SCD5: variants seen among roughly 807,000 people sequenced by gnomAD.
SCD5 encodes stearoyl-CoA desaturase 5, also known as acyl-CoA-desaturase 4.
A neutral mutation model predicts 30.4 loss-of-function variants in SCD5; 20 were observed. The ratio of observed to expected loss-of-function variants is 0.66; its 90% confidence interval spans 0.46 to 0.96. The LOEUF is 0.96. Among genes scored for constraint, SCD5 ranks in the 40% least tolerant of loss-of-function variants. The pLI is 0.00. For synonymous variants in SCD5, 173 were observed against 176.4 expected (o/e 0.98, Z 0.16); for missense variants, 381 against 443.3 (o/e 0.86, Z 1.26).
rs567021934 is a variant in SCD5 at position 82,727,858 on chromosome 4, C to A, written c.233-22445G>T. Among the ~76,000 whole-genome samples, 39 of 152,280 alleles carry A rather than the reference C, an allele frequency of 2.6e-4. 1 individual carries two copies. Among genetic ancestry groups the A allele is most frequent in the African/African-American group, 8.7e-4 (36 of 41,566 alleles). Reference sequence around the variant, plus strand: ...GAGTAGCTGGGATTACAGGTACGCACCATCACACCCAGCTAATTTTTGTAT... The same window carrying A: ...GAGTAGCTGGGATTACAGGTACGCAACATCACACCCAGCTAATTTTTGTAT... On this transcript the variant is annotated intron_variant, in intron 1 of 4. Coordinates refer to ENST00000319540, the MANE Select transcript of SCD5 (RefSeq NM_001037582.3).
At chr4:82,777,400 G>C (rs372314601) in intron 1 of SCD5, among the ~76,000 whole-genome samples, 1 of 152,210 alleles carries the variant, frequency 6.6e-6, no homozygotes, top group Admixed American at 6.5e-5. Context: ...TGATAAGAAA[G>C]TGAGTCCTCA....
intron 1 of SCD5, among the ~76,000 whole-genome samples, chr4:82,772,252 G>A (rs1328065176): frequency 6.6e-6 from 1 of 152,206 alleles, no homozygotes; most frequent in Non-Finnish European, 1.5e-5. Flanking sequence ...AAGATGCTGA[G>A]GCCATTTTTG....
chr4:82,691,480 C>T (rs937047198), intron 2 of SCD5, among the ~76,000 whole-genome samples: 1 of 152,104 alleles, frequency 6.6e-6, no homozygotes, highest in Admixed American at 6.5e-5. Context: ...GGTGCTAGGA[C>T]AAGCCTGGTA....
rs143154100 is a variant in SCD5 at position 82,762,462 on chromosome 4, C to G, written c.232+35844G>C. On this transcript the variant is annotated intron_variant, in intron 1 of 4. Transcript: ENST00000319540. ...TTCACCATGTTGGCCAGGTTGGCCT[C>G]GAACTCCCAACCTTAGGTGATCCAC... is the stretch of plus-strand genomic sequence containing the variant. Among the ~76,000 whole-genome samples the G allele has an allele frequency of 9.9e-5, 15 of 152,230 alleles. No homozygotes were observed. In the East Asian group the frequency reaches 2.9e-3, roughly 30 times the overall value.
At chr4:82,651,470 G>A (rs1578005696) in intron 3 of SCD5, among the ~76,000 whole-genome samples, 1 of 152,218 alleles carries the variant, frequency 6.6e-6, no homozygotes, top group Admixed American at 6.5e-5. Context: ...GGGGGAAAGG[G>A]TGGGGGGTGG....
chr4:82,790,874 C>A (rs937517168), intron 1 of SCD5, among the ~76,000 whole-genome samples: 1 of 152,124 alleles, frequency 6.6e-6, no homozygotes, highest in Non-Finnish European at 1.5e-5. Context: ...AAGGCCCAGG[C>A]TTCTGACAAT....
intron 1 of SCD5, among the ~76,000 whole-genome samples, chr4:82,760,755 C>T (rs1024237673): frequency 6.6e-6 from 1 of 152,200 alleles, no homozygotes; most frequent in African/African-American, 2.4e-5. Context: ...CTGTGGAGCT[C>T]ATTGTCTGGA....
Position 82,752,818 on chromosome 4 carries a change from T to C in SCD5, c.232+45488A>G, listed in dbSNP as rs558131578. On this transcript the variant is annotated intron_variant, in intron 1 of 4. Transcript: ENST00000319540. ...CCCCCTAAATAAACTTACTCCAGTG[T>C]TGAAAATGGATACAAATTGAATCCT... 1.2e-4 allele frequency among the ~76,000 whole-genome samples: 19 copies of C among 152,290 alleles called. No homozygotes were observed. The South Asian group carries it at 3.5e-3, about 28-fold the overall frequency.
intron 1 of SCD5, among the ~76,000 whole-genome samples, chr4:82,720,408 C>T (rs1244007944): frequency 9.0e-6 from 1 of 110,840 alleles, no homozygotes; most frequent in African/African-American, 3.6e-5. Context: ...GCCTGGGTGA[C>T]AGAGAGAGAT....
chr4:82,680,239 G>A (rs1728538868), intron 3 of SCD5, among the ~76,000 whole-genome samples: 1 of 152,150 alleles, frequency 6.6e-6, no homozygotes, highest in East Asian at 1.9e-4. Flanking sequence ...CTAGTGTAAC[G>A]TTTCCATGAG....
chr4:82,765,502 G>T (rs901369140), intron 1 of SCD5, among the ~76,000 whole-genome samples: 1 of 152,036 alleles, frequency 6.6e-6, no homozygotes, highest in Non-Finnish European at 1.5e-5. Context: ...CATACATTCT[G>T]CCATATACTT....
chr4:82,738,821 C>T (rs4626189), intron 1 of SCD5, among the ~76,000 whole-genome samples: 22,057 of 152,164 alleles, frequency 0.14, 2,829 homozygotes, highest in African/African-American at 0.35. Flanking sequence ...ACTTAGGATA[C>T]GCTGTGACCC....
intron 1 of SCD5, among the ~76,000 whole-genome samples, chr4:82,715,111 C>T (rs1720198098): frequency 6.6e-6 from 1 of 151,476 alleles, no homozygotes; most frequent in Non-Finnish European, 1.5e-5. Context: ...GTGGCACACG[C>T]CTGTAATCCC....
intron 4 of SCD5, among the ~76,000 whole-genome samples, chr4:82,631,915 T>G (rs1259906917): frequency 6.6e-6 from 1 of 152,140 alleles, no homozygotes; most frequent in Non-Finnish European, 1.5e-5. Context: ...CAAATGAGAA[T>G]CATTCAAATA....
chr4:82,791,642 T>C (rs1205185322), intron 1 of SCD5, among the ~76,000 whole-genome samples: 1 of 152,220 alleles, frequency 6.6e-6, no homozygotes, highest in Non-Finnish European at 1.5e-5. Flanking sequence ...TGATTCCAGG[T>C]ACAGCCTAAT....
chr4:82,712,275 TATATATATATATATATA>T lies in SCD5; in HGVS notation c.233-6879_233-6863del, dbSNP rs1720117356. Among the ~76,000 whole-genome samples, 5 of 50,616 alleles carry T rather than the reference TATATATATATATATATA, an allele frequency of 9.9e-5. 1 individual carries two copies. Among genetic ancestry groups the T allele is most frequent in the African/African-American group, 6.0e-4 (5 of 8,352 alleles). The allele number at this position is 50,616 out of a possible 152,430, so 33.2% of individuals were successfully genotyped here. A position where few individuals can be genotyped will look rare whatever the true frequency, so the allele number is the denominator to read the frequency against. ...ATATATATATATATATATATATATA[TATATATATATATATATA>T]TATATTTTATTTTTATTTTATTTTT... On this transcript the variant is annotated intron_variant, in intron 1 of 4. Transcript: ENST00000319540.
rs898370454 is a variant in SCD5, at chr4:82,740,584, T to G, written c.233-35171A>C. Among the ~76,000 whole-genome samples the G allele has an allele frequency of 2.0e-5, 3 of 152,192 alleles. No individual in the cohort carries two copies. In the East Asian group the frequency reaches 5.8e-4, roughly 29 times the overall value. ...ATTGACTTACCGATAACTTCATTAA[T>G]GAAAGCACCTGCCTGGCCTGGAACC... is the stretch of plus-strand genomic sequence containing the variant. On this transcript the variant is annotated intron_variant, in intron 1 of 4. Coordinates refer to ENST00000319540, the MANE Select transcript of SCD5 (RefSeq NM_001037582.3).
intron 1 of SCD5, among the ~76,000 whole-genome samples, chr4:82,743,733 G>A (rs1450065100): frequency 6.6e-6 from 1 of 151,596 alleles, no homozygotes; most frequent in Non-Finnish European, 1.5e-5. Flanking sequence ...TGTTGCCCAG[G>A]CTAGTCTTGA....
intron 3 of SCD5, among the ~76,000 whole-genome samples, chr4:82,677,297 A>T (rs1728457883): frequency 6.6e-6 from 1 of 152,240 alleles, no homozygotes; most frequent in African/African-American, 2.4e-5. Context: ...ATACAAGAGC[A>T]GGTGGAGATT....
Sources: allele counts gnomAD v4.1 joint callset (sites outside exome capture counted in the v4.1 genomes callset), GRCh38; gene constraint gnomAD v4.1.1; transcripts MANE v1.5; gene names NCBI Gene and HGNC (gene_info 2026-07-23, HGNC 2026-07-21).